TBC1D19: variants seen among roughly 807,000 people sequenced by gnomAD.
TBC1D19 encodes TBC1 domain family, member 19.
In TBC1D19, 60 loss-of-function variants were observed where a neutral mutation model predicts 89.0. That is an observed-to-expected ratio of 0.67 (90% CI 0.55 to 0.84). The LOEUF (loss-of-function observed/expected upper bound fraction) is 0.84, where lower values mean the gene tolerates loss of function less well. Ranked by LOEUF, TBC1D19 falls within the 40% of genes least tolerant of loss-of-function variation. The pLI is 0.00. For missense variants in TBC1D19, 500 were observed against 610.8 expected, an observed-to-expected ratio of 0.82 and a Z score of 1.91; for synonymous variants, 189 against 199.7, an observed-to-expected ratio of 0.95 and a Z score of 0.45.
the TBC1D19 span, among the ~76,000 whole-genome samples, chr4:26,851,315 A>ATCTATCTATCTGTCTGTCTG: frequency 4.0e-4 from 57 of 143,314 alleles, no homozygotes; most frequent in African/African-American, 1.3e-3. Context: ...CTATCTATCT[A>ATCTATCTATCTGTCTGTCTG]TCTATCTATC....
rs1259678235 is a variant in TBC1D19 at position 26,673,902 on chromosome 4, A to C, written c.816+14A>C. 6.0e-6 allele frequency: 9 copies of C among 1,500,948 alleles called. No individual in the cohort carries two copies. The highest frequency in any genetic ancestry group is 8.2e-6 in the Non-Finnish European group (9 of 1,094,630). 93.0% of individuals were successfully genotyped at this position (1,500,948 alleles called of 1,614,324 possible). On this transcript the variant is annotated intron_variant, in intron 11 of 20. Coordinates refer to ENST00000264866, the MANE Select transcript of TBC1D19 (RefSeq NM_018317.4). ...AGCCAACCTGAGGTAAGAAGAAAAA[A>C]AGGGTGGGTCAGATTTTAGCTTTGG...
upstream of TBC1D19, among the ~76,000 whole-genome samples, chr4:26,582,235 C>G (rs1453184080): frequency 6.6e-6 from 1 of 151,994 alleles, no homozygotes; most frequent in Non-Finnish European, 1.5e-5. Flanking sequence ...TAGTCTAATA[C>G]TTGGTACATT....
chr4:26,721,702 C>G (rs1716987630), intron 15 of TBC1D19, among the ~76,000 whole-genome samples: 1 of 152,120 alleles, frequency 6.6e-6, no homozygotes, highest in Non-Finnish European at 1.5e-5. Flanking sequence ...ATATGAGGAC[C>G]TCTTGAGTCT....
the TBC1D19 span, among the ~76,000 whole-genome samples, chr4:26,791,691 G>C: frequency 6.6e-6 from 1 of 152,096 alleles, no homozygotes; most frequent in East Asian, 1.9e-4. Context: ...TAGGGTATAA[G>C]AGCAAAAGAA....
rs35051529 is a variant in TBC1D19, at chr4:26,614,391, C to CT, written c.173-10dup. 16 of 1,551,858 alleles carry CT rather than the reference C, an allele frequency of 1.0e-5. No individual in the cohort carries two copies. Among genetic ancestry groups the CT allele is most frequent in the South Asian group, 7.4e-5 (6 of 81,576 alleles). On this transcript the variant is annotated splice_polypyrimidine_tract_variant and intron_variant, in intron 2 of 20. Transcript: ENST00000264866. ...AACTAGTATGTTCATATATTTTATT[C>CT]TTTTTTTAAAAAACAGGTTGGGAGA...
At chr4:26,630,278 C>T (rs925471377) in intron 4 of TBC1D19, among the ~76,000 whole-genome samples, 1 of 151,798 alleles carries the variant, frequency 6.6e-6, no homozygotes, top group African/African-American at 2.4e-5. Flanking sequence ...TACTTGAAGG[C>T]AACAATAATT....
chr4:26,600,436 G>A (rs147314215), intron 1 of TBC1D19, among the ~76,000 whole-genome samples: 1,807 of 152,310 alleles, frequency 0.012, 21 homozygotes, highest in Admixed American at 0.018. Context: ...GTACTAAAAT[G>A]TGGGTTTGCT....
intron 1 of TBC1D19, chr4:26,576,853 G>A (rs2109917138): frequency 2.2e-6 from 1 of 456,140 alleles, no homozygotes; most frequent in East Asian, 6.9e-5. Flanking sequence ...TCATGAACCT[G>A]TTGTATCTGT....
At chr4:26,733,180 GA>G (rs1717770583) in intron 15 of TBC1D19, among the ~76,000 whole-genome samples, 1 of 152,170 alleles carries the variant, frequency 6.6e-6, no homozygotes, top group African/African-American at 2.4e-5. Flanking sequence ...TACCAGCTCA[GA>G]ATAATTTGGC....
chr4:26,721,635 G>T (rs1716982606), intron 15 of TBC1D19, among the ~76,000 whole-genome samples: 1 of 152,096 alleles, frequency 6.6e-6, no homozygotes, highest in South Asian at 2.1e-4. Flanking sequence ...TTTTCTCAAA[G>T]TGTTCTTAAT....
chr4:26,577,702 T>C (rs1194895359), intron 1 of TBC1D19, among the ~76,000 whole-genome samples: 3 of 152,076 alleles, frequency 2.0e-5, no homozygotes, highest in African/African-American at 7.2e-5. Context: ...CAACAGGGCA[T>C]GTTAACAAGA....
At chr4:26,612,349 G>A (rs533782009) in intron 1 of TBC1D19, among the ~76,000 whole-genome samples, 2 of 151,890 alleles carry the variant, frequency 1.3e-5, no homozygotes, top group South Asian at 2.1e-4. Context: ...TAAATTTGAA[G>A]TTTCTAACTT....
chr4:26,837,660 T>C, the TBC1D19 span, among the ~76,000 whole-genome samples: 1 of 152,220 alleles, frequency 6.6e-6, no homozygotes. Flanking sequence ...AAGCTGAGGC[T>C]ACATAACATG....
chr4:26,709,257 A>G (rs1212927046), intron 13 of TBC1D19, among the ~76,000 whole-genome samples: 4 of 152,006 alleles, frequency 2.6e-5, no homozygotes, highest in Non-Finnish European at 5.9e-5. Flanking sequence ...CATTGAGCGC[A>G]TGTGGTCACT....
In TBC1D19 at chr4:26,591,388, T is replaced by TA. The variant is rs552343444; in HGVS notation, c.99+7104dup. ...GATCGCACCACTGTGGAACAGGAATTAAAAAAAATTAAAGAATGTGTAAGC... is the reference window on the plus strand; with the variant it reads ...GATCGCACCACTGTGGAACAGGAATTAAAAAAAAATTAAAGAATGTGTAAGC... On this transcript the variant is annotated intron_variant, in intron 1 of 20. Coordinates refer to ENST00000264866, the MANE Select transcript of TBC1D19 (RefSeq NM_018317.4). Among the ~76,000 whole-genome samples the TA allele has an allele frequency of 3.5e-4, 53 of 151,946 alleles. 1 individual carries two copies. In the South Asian group the frequency reaches 7.3e-3, roughly 21 times the overall value.
At chr4:26,660,662 T>C (rs971415180) in intron 8 of TBC1D19, among the ~76,000 whole-genome samples, 2 of 152,044 alleles carry the variant, frequency 1.3e-5, no homozygotes, top group African/African-American at 4.8e-5. Context: ...AGTCAGCAGA[T>C]TGGGATGCAG....
chr4:26,605,683 G>C (rs547477160), intron 1 of TBC1D19, among the ~76,000 whole-genome samples: 3 of 152,264 alleles, frequency 2.0e-5, no homozygotes, highest in Admixed American at 6.5e-5. Context: ...GTGTAAAAGT[G>C]TTCCTATTTC....
chr4:26,661,398 C>T (rs1745213942), intron 8 of TBC1D19, among the ~76,000 whole-genome samples: 1 of 152,110 alleles, frequency 6.6e-6, no homozygotes, highest in East Asian at 1.9e-4. Flanking sequence ...TTCAGGGAAC[C>T]CTTACAAAAA....
chr4:26,683,213 G>T lies in TBC1D19; in HGVS notation c.817-462G>T, dbSNP rs147298467. Among the ~76,000 whole-genome samples, 545 of 152,236 alleles carry T rather than the reference G, an allele frequency of 3.6e-3. 5 individuals are homozygous for T. The highest frequency in any genetic ancestry group is 0.013 in the African/African-American group (522 of 41,534). ...CTGAGTTTTTTGTATAGGTTGTGGGGCCAGGTTTCTTGAGGTTAAATGTTA... is the reference window on the plus strand; with the variant it reads ...CTGAGTTTTTTGTATAGGTTGTGGGTCCAGGTTTCTTGAGGTTAAATGTTA... On this transcript the variant is annotated intron_variant, in intron 11 of 20. Coordinates refer to ENST00000264866, the MANE Select transcript of TBC1D19 (RefSeq NM_018317.4).
Sources: allele counts gnomAD v4.1 joint callset (sites outside exome capture counted in the v4.1 genomes callset), GRCh38; gene constraint gnomAD v4.1.1; transcripts MANE v1.5; gene names NCBI Gene and HGNC (gene_info 2026-07-23, HGNC 2026-07-21).